Variants in TRAPPC9 observed in about 807,000 individuals in gnomAD.
TRAPPC9 encodes trafficking protein particle complex subunit 9.
TRAPPC9 carries 83 observed loss-of-function variants against 124.0 expected under a neutral mutation model. That is an observed-to-expected ratio of 0.67 (90% CI 0.56 to 0.80). TRAPPC9 has a LOEUF of 0.80. Ranked by LOEUF, TRAPPC9 falls within the 30% of genes least tolerant of loss-of-function variation. The probability of loss-of-function intolerance (pLI) is 0.00; values close to 1 mark genes in which losing one functional copy is unlikely to be tolerated. For missense variants in TRAPPC9, 1,302 were observed against 1,508.3 expected (o/e 0.86, Z 2.27); for synonymous variants, 638 against 617.5 (o/e 1.03, Z -0.49).
chr8:139,777,163 C>T (rs1329410787), intron 21 of TRAPPC9, among the ~76,000 whole-genome samples: 1 of 152,216 alleles, frequency 6.6e-6, no homozygotes, highest in East Asian at 1.9e-4. Context: ...TAAACACAGT[C>T]CCCTTTCCTA....
intron 16 of TRAPPC9, among the ~76,000 whole-genome samples, chr8:140,247,041 TA>T (rs1163576311): frequency 6.6e-6 from 1 of 152,144 alleles, no homozygotes; most frequent in African/African-American, 2.4e-5. Flanking sequence ...TGTTTTAAAT[TA>T]TTGTGATGGA....
At chr8:140,405,739 T>C (rs2069467127) in intron 5 of TRAPPC9, 41 bp from the exon 6 acceptor site, 3 of 1,612,306 alleles carry the variant, frequency 1.9e-6, no homozygotes, top group Non-Finnish European at 2.5e-6. Flanking sequence ...CTTTTGCTTT[T>C]TCTGTATTAT....
intron 4 of TRAPPC9, among the ~76,000 whole-genome samples, chr8:140,431,684 T>G (rs1459101368): frequency 6.6e-6 from 1 of 152,144 alleles, no homozygotes; most frequent in Non-Finnish European, 1.5e-5. Flanking sequence ...AAAGCAGAAA[T>G]TAGGAGCCCC....
chr8:140,107,528 C>A (rs997251585), intron 17 of TRAPPC9, among the ~76,000 whole-genome samples: 1 of 152,168 alleles, frequency 6.6e-6, no homozygotes, highest in Non-Finnish European at 1.5e-5. Flanking sequence ...GTAGCCAAGC[C>A]GTCCAGAATT....
At chr8:139,733,674 T>C (rs975260182) in intron 21 of TRAPPC9, among the ~76,000 whole-genome samples, 2 of 152,170 alleles carry the variant, frequency 1.3e-5, no homozygotes, top group Admixed American at 6.5e-5. Flanking sequence ...GTGACACGCA[T>C]AGGGAGAGCA....
intron 18 of TRAPPC9, among the ~76,000 whole-genome samples, chr8:140,002,123 C>A (rs1053234474): frequency 6.6e-6 from 1 of 151,598 alleles, no homozygotes; most frequent in African/African-American, 2.4e-5. Flanking sequence ...CAGACAAAGA[C>A]GGAAGAAAAA....
At chr8:139,786,076 C>T (rs191835488) in intron 21 of TRAPPC9, among the ~76,000 whole-genome samples, 8 of 152,100 alleles carry the variant, frequency 5.3e-5, no homozygotes, top group Admixed American at 1.3e-4. Flanking sequence ...GGTGTGGTGG[C>T]GGGCGCCTGT....
At chr8:140,265,020 A>C (rs1200635776) in intron 15 of TRAPPC9, among the ~76,000 whole-genome samples, 1 of 152,212 alleles carries the variant, frequency 6.6e-6, no homozygotes, top group African/African-American at 2.4e-5. Flanking sequence ...TGTTCTCGTC[A>C]TCACGCCAGC....
In TRAPPC9 at chr8:140,243,869, C is replaced by T. The variant is rs60292039; in HGVS notation, c.2431+8908G>A. On this transcript the variant is annotated intron_variant, in intron 16 of 22. Transcript: ENST00000438773. ...TCCCTAAGGCGGGGGCCCGCAACCCCTGGTGGCCTGTTAGGAACTGAGCCG... is the reference window on the plus strand; with the variant it reads ...TCCCTAAGGCGGGGGCCCGCAACCCTTGGTGGCCTGTTAGGAACTGAGCCG... Among the ~76,000 whole-genome samples the T allele has an allele frequency of 3.6e-3, 555 of 152,392 alleles. 5 individuals carry two copies. Among genetic ancestry groups the T allele is most frequent in the African/African-American group, 0.013 (531 of 41,596 alleles).
At chr8:140,368,783 C>A (rs1237157749) in intron 8 of TRAPPC9, among the ~76,000 whole-genome samples, 1 of 152,232 alleles carries the variant, frequency 6.6e-6, no homozygotes, top group Non-Finnish European at 1.5e-5. Context: ...TCTGCGTTTT[C>A]TCTTCCAAAC....
chr8:139,930,583 C>T (rs1833081808), intron 19 of TRAPPC9, among the ~76,000 whole-genome samples: 1 of 152,220 alleles, frequency 6.6e-6, no homozygotes, highest in African/African-American at 2.4e-5. Flanking sequence ...GTACCAGTGA[C>T]AGATTAATAT....
At chr8:139,856,596 G>A (rs749474788) in intron 21 of TRAPPC9, among the ~76,000 whole-genome samples, 1 of 152,156 alleles carries the variant, frequency 6.6e-6, no homozygotes, top group Non-Finnish European at 1.5e-5. Flanking sequence ...ACAGCGGCGG[G>A]GGGTGGCGTG....
intron 17 of TRAPPC9, among the ~76,000 whole-genome samples, chr8:140,148,973 T>A (rs1447432805): frequency 1.3e-5 from 2 of 152,248 alleles, no homozygotes; most frequent in Admixed American, 1.3e-4. Context: ...CTGAAGAAGC[T>A]AATGCATTTG....
intron 15 of TRAPPC9, among the ~76,000 whole-genome samples, chr8:140,269,960 C>T (rs1245448390): frequency 6.6e-6 from 1 of 152,082 alleles, no homozygotes; most frequent in Admixed American, 6.6e-5. Context: ...ATTAGCCAGG[C>T]ATGGTGGCAG....
intron 21 of TRAPPC9, among the ~76,000 whole-genome samples, chr8:139,750,432 C>A (rs1819237046): frequency 6.6e-6 from 1 of 152,210 alleles, no homozygotes; most frequent in Non-Finnish European, 1.5e-5. Flanking sequence ...CCTCAGGCTG[C>A]CGCCCCTTTG....
chr8:140,333,380 T>G (rs377410077), intron 9 of TRAPPC9, among the ~76,000 whole-genome samples: 10 of 152,164 alleles, frequency 6.6e-5, no homozygotes, highest in African/African-American at 2.4e-4. Flanking sequence ...TATAGATACA[T>G]AGGTTTTTGT....
At chr8:139,950,477 C>T (rs914679095) in intron 19 of TRAPPC9, among the ~76,000 whole-genome samples, 17 of 152,306 alleles carry the variant, frequency 1.1e-4, no homozygotes, top group South Asian at 6.2e-4. Context: ...AACCAGGGCT[C>T]AAGTCAAATC....
chr8:139,741,778 G>A (rs1346889776), intron 21 of TRAPPC9, among the ~76,000 whole-genome samples: 5 of 152,122 alleles, frequency 3.3e-5, no homozygotes, highest in Non-Finnish European at 7.4e-5. Context: ...GGAGGGCAGT[G>A]AGCTCCGGCG....
intron 17 of TRAPPC9, among the ~76,000 whole-genome samples, chr8:140,192,778 TTTAG>T (rs1302725806): frequency 6.6e-6 from 1 of 152,228 alleles, no homozygotes; most frequent in Non-Finnish European, 1.5e-5. Context: ...TGTTTGTTTA[TTTAG>T]TTATTTATTT....
Sources: allele counts gnomAD v4.1 joint callset (sites outside exome capture counted in the v4.1 genomes callset), GRCh38; gene constraint gnomAD v4.1.1; transcripts MANE v1.5; gene names NCBI Gene and HGNC (gene_info 2026-07-23, HGNC 2026-07-21).